TRAPPC9: variants seen among roughly 807,000 people sequenced by gnomAD.
The protein encoded by TRAPPC9 is IKK2 binding protein.
TRAPPC9 carries 83 observed loss-of-function variants against 124.0 expected under a neutral mutation model. That is an observed-to-expected ratio of 0.67 (90% CI 0.56 to 0.80). TRAPPC9 has a LOEUF of 0.80. Among genes scored for constraint, TRAPPC9 ranks in the 30% least tolerant of loss-of-function variants. The probability of loss-of-function intolerance (pLI) is 0.00; values close to 1 mark genes in which losing one functional copy is unlikely to be tolerated. For missense variants in TRAPPC9, 1,302 were observed against 1,508.3 expected (o/e 0.86, Z 2.27); for synonymous variants, 638 against 617.5 (o/e 1.03, Z -0.49).
intron 7 of TRAPPC9, among the ~76,000 whole-genome samples, chr8:140,378,792 C>T (rs6996651): frequency 0.025 from 3,873 of 152,270 alleles, 183 homozygotes; most frequent in African/African-American, 0.088. Flanking sequence ...TTTTCTATCC[C>T]TCCTATGTGA....
chr8:140,382,913 C>T (rs1164373450), intron 7 of TRAPPC9, among the ~76,000 whole-genome samples: 1 of 152,220 alleles, frequency 6.6e-6, no homozygotes, highest in African/African-American at 2.4e-5. Flanking sequence ...AGGCACCCCC[C>T]AGTAGGAACA....
At chr8:140,134,292 A>G (rs1461034206) in intron 17 of TRAPPC9, among the ~76,000 whole-genome samples, 1 of 151,950 alleles carries the variant, frequency 6.6e-6, no homozygotes, top group Non-Finnish European at 1.5e-5. Context: ...TCCGGGGCAG[A>G]GTCTTGCTCT....
intron 10 of TRAPPC9, among the ~76,000 whole-genome samples, chr8:140,306,454 C>G (rs1422757936): frequency 6.9e-6 from 1 of 144,930 alleles, no homozygotes; most frequent in Non-Finnish European, 1.5e-5. Context: ...GACTGCGCCA[C>G]TGCACTCCAG....
intron 17 of TRAPPC9, among the ~76,000 whole-genome samples, chr8:140,026,785 T>C (rs1471851534): frequency 6.6e-6 from 1 of 152,218 alleles, no homozygotes; most frequent in Non-Finnish European, 1.5e-5. Context: ...CCTTCACTGA[T>C]TCTCTCCACC....
chr8:139,975,005 C>G (rs1310890309), intron 19 of TRAPPC9, among the ~76,000 whole-genome samples: 1 of 152,114 alleles, frequency 6.6e-6, no homozygotes, highest in Admixed American at 6.5e-5. Flanking sequence ...GCACTGCACC[C>G]CATCAGAGTC....
chr8:139,896,847 A>C (rs1563903350), intron 20 of TRAPPC9, among the ~76,000 whole-genome samples: 1 of 152,190 alleles, frequency 6.6e-6, no homozygotes, highest in African/African-American at 2.4e-5. Flanking sequence ...ATGGTGCTGA[A>C]GCAGCTGCCT....
chr8:139,800,795 C>G (rs1395387862), intron 21 of TRAPPC9, among the ~76,000 whole-genome samples: 4 of 151,682 alleles, frequency 2.6e-5, no homozygotes, highest in Non-Finnish European at 5.9e-5. Context: ...TTCCCTCCGT[C>G]CGGTATCTTT....
intron 5 of TRAPPC9, among the ~76,000 whole-genome samples, chr8:140,422,254 G>A (rs1311659702): frequency 2.7e-5 from 4 of 150,420 alleles, no homozygotes; most frequent in Non-Finnish European, 4.4e-5. Flanking sequence ...ATTGCTTTAG[G>A]TGTAAAGTTT....
At chr8:139,994,244 C>T (rs1870809) in intron 18 of TRAPPC9, among the ~76,000 whole-genome samples, 96,123 of 152,200 alleles carry the variant, frequency 0.63, 34,582 homozygotes, top group East Asian at 0.89. Flanking sequence ...TGTTGCTGTG[C>T]GTCGCTGAGC....
At chr8:139,862,497 C>A (rs1828234394) in intron 21 of TRAPPC9, among the ~76,000 whole-genome samples, 1 of 152,238 alleles carries the variant, frequency 6.6e-6, no homozygotes, top group African/African-American at 2.4e-5. Context: ...TTTGAAGTTG[C>A]CTCATCAGGC....
At chr8:139,731,382 C>T (rs377326124) in intron 22 of TRAPPC9, among the ~76,000 whole-genome samples, 154 bp from the exon 23 acceptor site, 1 of 152,170 alleles carries the variant, frequency 6.6e-6, no homozygotes, top group Non-Finnish European at 1.5e-5. Flanking sequence ...CAGGTCACTG[C>T]GCCTCTCCGA....
intron 16 of TRAPPC9, among the ~76,000 whole-genome samples, chr8:140,242,203 A>T (rs1405097194): frequency 2.0e-5 from 3 of 152,050 alleles, no homozygotes; most frequent in Non-Finnish European, 4.4e-5. Context: ...TTAGACACCA[A>T]AGTGAGGAGC....
At chr8:139,773,844 G>GA (rs1393800472) in intron 21 of TRAPPC9, among the ~76,000 whole-genome samples, 1 of 152,212 alleles carries the variant, frequency 6.6e-6, no homozygotes, top group Non-Finnish European at 1.5e-5. Context: ...CTTCTAGAAA[G>GA]AAAATTAAAA....
chr8:139,979,642 C>G (rs1379127658), intron 19 of TRAPPC9, among the ~76,000 whole-genome samples: 1 of 152,128 alleles, frequency 6.6e-6, no homozygotes, highest in East Asian at 1.9e-4. Flanking sequence ...CTACGAACCT[C>G]TAGTACAGCA....
chr8:140,060,972 C>T (rs1479818033), intron 17 of TRAPPC9, among the ~76,000 whole-genome samples: 4 of 152,236 alleles, frequency 2.6e-5, no homozygotes, highest in Admixed American at 2.6e-4. Flanking sequence ...AGGGATCTAA[C>T]ATTACAGGTC....
intron 15 of TRAPPC9, among the ~76,000 whole-genome samples, chr8:140,256,208 T>C (rs1201015104): frequency 1.3e-5 from 2 of 152,216 alleles, no homozygotes; most frequent in African/African-American, 4.8e-5. Flanking sequence ...CCTTGGCTGC[T>C]CAGGGGAATG....
chr8:139,898,314 TA>T (rs754436978), intron 20 of TRAPPC9, among the ~76,000 whole-genome samples: 3 of 152,174 alleles, frequency 2.0e-5, no homozygotes, highest in Non-Finnish European at 4.4e-5. Flanking sequence ...TTTCCCAAAC[TA>T]GACCCCGGTA....
chr8:140,457,850 C>T (rs914635180), upstream of TRAPPC9: 1 of 1,099,566 alleles, frequency 9.1e-7, no homozygotes, highest in Non-Finnish European at 1.1e-6. Flanking sequence ...GGGGTAGGAG[C>T]GAGGGAGAAA....
chr8:139,891,410 C>T (rs184490344), intron 20 of TRAPPC9, among the ~76,000 whole-genome samples: 3 of 152,374 alleles, frequency 2.0e-5, no homozygotes, highest in East Asian at 3.9e-4. Flanking sequence ...GCCTGCACTT[C>T]ACCCTCCCTA....
Sources: allele counts gnomAD v4.1 joint callset (sites outside exome capture counted in the v4.1 genomes callset), GRCh38; gene constraint gnomAD v4.1.1; transcripts MANE v1.5; gene names NCBI Gene and HGNC (gene_info 2026-07-23, HGNC 2026-07-21).